LRP1: variants seen among roughly 807,000 people sequenced by gnomAD.
LRP1 encodes the protein prolow-density lipoprotein receptor-related protein 1.
LRP1 carries 51 observed loss-of-function variants against 541.5 expected under a neutral mutation model. That is an observed-to-expected ratio of 0.09 (90% CI 0.08 to 0.12). The LOEUF (loss-of-function observed/expected upper bound fraction) is 0.12, where lower values mean the gene tolerates loss of function less well. LRP1 is among the 10% of genes least tolerant of loss of function. The probability of loss-of-function intolerance (pLI) is 1.00; values close to 1 mark genes in which losing one functional copy is unlikely to be tolerated. For missense variants in LRP1, 3,878 were observed against 6,376.2 expected (o/e 0.61, Z 13.34); for synonymous variants, 2,219 against 2,470.8 (o/e 0.90, Z 3.02).
At position 57,184,925 on chromosome 12, in the gene LRP1, G is replaced by A; in HGVS notation, c.6273G>A (p.Leu2091=). 6.2e-7 allele frequency: 1 copy of A among 1,614,198 alleles called. No individual in the cohort carries two copies. Among genetic ancestry groups the A allele is most frequent in the Non-Finnish European group, 8.5e-7 (1 of 1,180,032 alleles). Residue 2091 remains leucine (L), a synonymous_variant, in exon 39 of 89, where the codon CTG becomes CTA. Transcript: ENST00000243077. The surrounding 1 kb of genome is among the most constrained non-coding windows in gnomAD (Gnocchi z 7.8). ...LETGENREVV[L]SSNNMDMFSV... ...CAGGTGAGAACCGCGAGGTGGTTCT[G>A]TCCAGCAACAACATGGACATGTTTT...
Position 57,201,253 on chromosome 12 carries a change from A to G in LRP1, c.10345+100A>G, listed in dbSNP as rs536537807. 3.9e-6 allele frequency: 6 copies of G among 1,544,396 alleles called. No individual in the cohort carries two copies. In the African/African-American group the frequency reaches 4.1e-5, roughly 10 times the overall value. On this transcript the variant is annotated intron_variant, in intron 65 of 88. Coordinates refer to ENST00000243077, the MANE Select transcript of LRP1 (RefSeq NM_002332.3). The surrounding 1 kb of genome is among the most constrained non-coding windows in gnomAD (Gnocchi z 6.4). ...CTTTGAGAGGCTCTCAAATAACTTT[A>G]GTAGATGGGCAACACAAATTATATT...
intron 1 of LRP1, among the ~76,000 whole-genome samples, chr12:57,138,207 A>G (rs1243573331): frequency 1.3e-5 from 2 of 152,164 alleles, no homozygotes; most frequent in Non-Finnish European, 2.9e-5. Flanking sequence ...TCCCAGGAAC[A>G]GGCAGCCTAG....
In LRP1 at chr12:57,195,261, C is replaced by T. The variant is rs748569464; in HGVS notation, c.8309-10C>T. On this transcript the variant is annotated splice_polypyrimidine_tract_variant and intron_variant, in intron 51 of 88. Transcript: ENST00000243077. ...CCTAAGTCTCTCAGTGGCCCTCTCT[C>T]CCCCTACAGAAGGCAAGACGTGCGG... 7 of 1,612,922 alleles carry T rather than the reference C, an allele frequency of 4.3e-6. No homozygotes were observed. Among genetic ancestry groups the T allele is most frequent in the Non-Finnish European group, 5.1e-6 (6 of 1,179,186 alleles).
Position 57,177,045 on chromosome 12 carries a change from G to T in LRP1, c.3996G>T (p.Leu1332=). 1 of 1,613,814 alleles carries T rather than the reference G, an allele frequency of 6.2e-7. No individual in the cohort carries two copies. Among genetic ancestry groups the T allele is most frequent in the South Asian group, 1.1e-5 (1 of 91,008 alleles). The change falls in exon 25 of 89, where the codon CTG becomes CTT. Residue 1332 remains leucine (L), a synonymous_variant. Transcript: ENST00000243077. The surrounding 1 kb of genome is among the most constrained non-coding windows in gnomAD (Gnocchi z 6.8). ...TCACTGCCCTCTCTTCTCCAGCCCT[G>T]ACTAGTTTCGAGGTGGTGATTCAGT... is the stretch of plus-strand genomic sequence containing the variant. ...YRGKLLDNGA[L]TSFEVVIQYG...
At chr12:57,136,979 C>T (rs977617881) in intron 1 of LRP1, among the ~76,000 whole-genome samples, 4 of 152,296 alleles carry the variant, frequency 2.6e-5, no homozygotes, top group Admixed American at 2.0e-4. Context: ...CGGTGGCTCA[C>T]GCCTGTAATC....
chr12:57,191,922 TACACATACCAC>T (rs2036407455), intron 44 of LRP1, among the ~76,000 whole-genome samples: 1 of 1,646 alleles, frequency 6.1e-4, no homozygotes, highest in Non-Finnish European at 1.2e-3. Context: ...CCACACACAC[TACACATACCAC>T]ACACACACCA....
chr12:57,138,761 C>A (rs1012210078), intron 2 of LRP1, among the ~76,000 whole-genome samples, 180 bp downstream of exon 2: 1 of 152,188 alleles, frequency 6.6e-6, no homozygotes, highest in African/African-American at 2.4e-5. Context: ...TGGCATGGTG[C>A]CTGTTGGGCT....
intron 61 of LRP1, 31 bp from the exon 62 acceptor site, chr12:57,199,846 T>C: frequency 6.4e-7 from 1 of 1,559,342 alleles, no homozygotes; most frequent in East Asian, 2.3e-5. Context: ...CCAGAAAATG[T>C]CACCATATTT....
At position 57,172,026 on chromosome 12, in the gene LRP1, C is replaced by G. The variant is rs151338767; in HGVS notation, c.3164-1142C>G. On this transcript the variant is annotated intron_variant, in intron 20 of 88. Coordinates refer to ENST00000243077, the MANE Select transcript of LRP1 (RefSeq NM_002332.3). ...ACCTGCATTCCTGCCCTCCCCTCCC[C>G]CTGCACTCTACTCCAGCTGTGGCGT... Among the ~76,000 whole-genome samples the G allele has an allele frequency of 2.0e-3, 304 of 151,976 alleles. 5 individuals carry two copies. In the East Asian group the frequency reaches 0.051, roughly 26 times the overall value.
In LRP1 at chr12:57,197,616, C is replaced by G; in HGVS notation, c.9234C>G (p.Thr3078=). The G allele has an allele frequency of 6.2e-7, 1 of 1,614,068 alleles. No homozygotes were observed. The highest frequency in any genetic ancestry group is 8.5e-7 in the Non-Finnish European group (1 of 1,180,008). ...EQMIYWTDVT[T]QGSMIRRMHL... ...TGATCTACTGGACAGATGTGACCAC[C>G]CAGGGCAGCATGATCCGAAGGATGC... Residue 3078 remains threonine (T), a synonymous_variant, in exon 58 of 89, where the codon ACC becomes ACG. Transcript: ENST00000243077. This position sits in a 1 kb window ranked among gnomAD's most constrained non-coding sequence, Gnocchi z 4.5.
chr12:57,178,863 T>C lies in LRP1; in HGVS notation c.4607-27T>C. On this transcript the variant is annotated intron_variant, in intron 27 of 88. Coordinates refer to ENST00000243077, the MANE Select transcript of LRP1 (RefSeq NM_002332.3). This position sits in a 1 kb window ranked among gnomAD's most constrained non-coding sequence, Gnocchi z 5.8. ...GCAGCAAGTCACAGGATGCTCTGGC[T>C]TCTTCTCTTCTCCACCCTGCCCCCA... is the stretch of plus-strand genomic sequence containing the variant. 1.9e-6 allele frequency: 3 copies of C among 1,598,388 alleles called. No individual in the cohort carries two copies. The highest frequency in any genetic ancestry group is 2.6e-6 in the Non-Finnish European group (3 of 1,174,768).
chr12:57,131,628 C>T (rs1014823627), intron 1 of LRP1, among the ~76,000 whole-genome samples: 17 of 152,198 alleles, frequency 1.1e-4, no homozygotes, highest in Admixed American at 2.6e-4. Context: ...ACATCCTAAA[C>T]GTCTCCCTTT....
At chr12:57,138,042 G>A (rs2035210332) in intron 1 of LRP1, among the ~76,000 whole-genome samples, 1 of 152,142 alleles carries the variant, frequency 6.6e-6, no homozygotes, top group Non-Finnish European at 1.5e-5. Context: ...GATAAGACCA[G>A]CTCGGGGCCT....
Position 57,180,039 on chromosome 12 carries a change from C to A in LRP1, c.5142-8C>A, listed in dbSNP as rs1212585661. Reference sequence around the variant, plus strand: ...CCTGACCTTTCCCTCTTGGCACCCTCCCCCCAGGAAGCTCTACTGGACCGA... The same window carrying A: ...CCTGACCTTTCCCTCTTGGCACCCTACCCCCAGGAAGCTCTACTGGACCGA... On this transcript the variant is annotated splice_polypyrimidine_tract_variant and splice_region_variant and intron_variant, in intron 30 of 88. Coordinates refer to ENST00000243077, the MANE Select transcript of LRP1 (RefSeq NM_002332.3). 3.1e-6 allele frequency: 5 copies of A among 1,612,948 alleles called. No individual in the cohort carries two copies. Among genetic ancestry groups the A allele is most frequent in the Middle Eastern group, 1.6e-4 (1 of 6,082 alleles).
intron 41 of LRP1, among the ~76,000 whole-genome samples, chr12:57,187,018 G>A (rs992710542): frequency 2.0e-5 from 3 of 152,224 alleles, no homozygotes; most frequent in African/African-American, 7.2e-5. Context: ...ACACCAGAAA[G>A]CCCGATTGCC....
rs774760767 is a variant in LRP1 at position 57,173,675 on chromosome 12, C to T, written c.3347-105C>T. 14 of 1,212,604 alleles carry T rather than the reference C, an allele frequency of 1.2e-5. No homozygotes were observed. In the Admixed American group the frequency reaches 1.4e-4, roughly 12 times the overall value. 75.1% of individuals were successfully genotyped at this position (1,212,604 alleles called of 1,614,324 possible). A position where few individuals can be genotyped will look rare whatever the true frequency, so the allele number is the denominator to read the frequency against. ...TCGGGGTTCCTCGTGGACCCCACAG[C>T]GTTGCAATCCTGACCCTATTAGAGA... On this transcript the variant is annotated intron_variant, in intron 21 of 88. Coordinates refer to ENST00000243077, the MANE Select transcript of LRP1 (RefSeq NM_002332.3). This position sits in a 1 kb window ranked among gnomAD's most constrained non-coding sequence, Gnocchi z 4.7.
rs1215454887 is a variant in LRP1, at chr12:57,177,402, C to T, written c.4197-25C>T. 5.7e-6 allele frequency: 9 copies of T among 1,575,418 alleles called. No individual in the cohort carries two copies. Among genetic ancestry groups the T allele is most frequent in the Non-Finnish European group, 6.9e-6 (8 of 1,160,450 alleles). ...CTCCCTGAGGGCCCTGACTTTAGCC[C>T]TCCTGACCCCTCCCCACTCCCCAGG... On this transcript the variant is annotated intron_variant, in intron 25 of 88. Transcript: ENST00000243077. The surrounding 1 kb of genome is among the most constrained non-coding windows in gnomAD (Gnocchi z 6.8).
Position 57,197,342 on chromosome 12 carries a change from C to A in LRP1, c.9120C>A (p.Arg3040=), listed in dbSNP as rs151021372. 1.7e-4 allele frequency: 272 copies of A among 1,614,072 alleles called. No homozygotes were observed. The African/African-American group carries it at 3.4e-3, about 20-fold the overall frequency. Residue 3040 remains arginine (R), a synonymous_variant, in exon 57 of 89, where the codon CGC becomes CGA. Transcript: ENST00000243077. The surrounding 1 kb of genome is among the most constrained non-coding windows in gnomAD (Gnocchi z 4.5). The part of the protein sequence containing the change: ...FLIFANRYYL[R]KLNLDGSNYT... The stretch of plus-strand genomic sequence containing the variant: ...TCTTCGCCAACCGGTACTACCTGCG[C>A]AAGCTCAACCTGGACGGGTCCAACT...
rs911558959 is a variant in LRP1 at position 57,128,886 on chromosome 12, AC to A, written c.-73del. On this transcript the variant is annotated 5_prime_UTR_variant, in exon 1 of 89. Transcript: ENST00000243077. ...GGAGGGGGAAAGGAGGAAAAGGGGGACCCCCCAACTGGGGGGGGTGAAGGAG... is the reference window on the plus strand; with the variant it reads ...GGAGGGGGAAAGGAGGAAAAGGGGGACCCCCAACTGGGGGGGGTGAAGGAG... 1.0e-5 allele frequency: 13 copies of A among 1,288,154 alleles called. No individual in the cohort carries two copies. Among genetic ancestry groups the A allele is most frequent in the Admixed American group, 2.3e-5 (1 of 43,590 alleles). 79.8% of individuals were successfully genotyped at this position (1,288,154 alleles called of 1,614,324 possible).
Sources: gnomAD v4.1 joint callset for allele counts (sites outside exome capture counted in the v4.1 genomes callset) on GRCh38, gnomAD v4.1.1 for gene constraint, Gnocchi (gnomAD v3.1) non-coding constraint, MANE v1.5 for transcripts, NCBI Gene and HGNC (gene_info 2026-07-23, HGNC 2026-07-21) for gene names.